Variants in STARD9 observed in about 807,000 individuals in gnomAD.
The protein encoded by STARD9 is stAR-related lipid transfer protein 9.
In STARD9, 346 loss-of-function variants were observed where a neutral mutation model predicts 399.8. That is an observed-to-expected ratio of 0.87 (90% CI 0.79 to 0.95). The LOEUF (loss-of-function observed/expected upper bound fraction) is 0.95, where lower values mean the gene tolerates loss of function less well. Among genes scored for constraint, STARD9 ranks in the 40% least tolerant of loss-of-function variants. The pLI, the probability that STARD9 is intolerant of heterozygous loss-of-function variation, is 0.00. For missense variants in STARD9, 5,832 were observed against 5,667.5 expected, an observed-to-expected ratio of 1.03 and a Z score of -0.93; for synonymous variants, 2,203 against 2,143.5, an observed-to-expected ratio of 1.03 and a Z score of -0.77.
rs2061246665 is a variant in STARD9, at chr15:42,712,103, TAATATATAATATATA to T, written c.13285-4572_13285-4558del. Among the ~76,000 whole-genome samples the T allele has an allele frequency of 2.1e-3, 9 of 4,276 alleles. 2 individuals are homozygous for T. The highest frequency in any genetic ancestry group is 0.01 in the Admixed American group (3 of 292). The allele number at this position is 4,276 out of a possible 152,430, so 2.8% of individuals were successfully genotyped here. A position where few individuals can be genotyped will look rare whatever the true frequency, so the allele number is the denominator to read the frequency against. On this transcript the variant is annotated intron_variant, in intron 26 of 32. Transcript: ENST00000290607. ...ATATTATATATATATATATAATATA[TAATATATAATATATA>T]ATATATATATAAATGTGCCTTTGCC...
intron 3 of STARD9, among the ~76,000 whole-genome samples, chr15:42,625,530 A>G (rs915707362): frequency 2.7e-5 from 4 of 150,600 alleles, no homozygotes; most frequent in East Asian, 3.9e-4. Context: ...GGGTTTCACC[A>G]TGTTGGCCAG....
intron 26 of STARD9, among the ~76,000 whole-genome samples, chr15:42,712,191 A>G (rs1313278915): frequency 1.5e-5 from 2 of 131,912 alleles, no homozygotes; most frequent in East Asian, 2.1e-4. Context: ...TATTTTGTCT[A>G]TTTTAAGATT....
In STARD9 at chr15:42,718,032, C is replaced by G. The variant is rs758378170; in HGVS notation, c.13615C>G (p.Arg4539Gly). The change falls in exon 30 of 33, where the codon CGG (arginine) becomes GGG (glycine). Residue 4539 changes from arginine to glycine, a missense_variant. Transcript: ENST00000290607. ...TTACTACAAGGTGTTTTCTCCCACT[C>G]GGCATGGCTTCCTGGGGGCAGGTGT... ...QLYYKVFSPT[R>G]HGFLGAGVVS... 6.5e-6 allele frequency: 10 copies of G among 1,537,232 alleles called. No homozygotes were observed. The highest frequency in any genetic ancestry group is 1.2e-5 in the South Asian group (1 of 84,060).
intron 7 of STARD9, among the ~76,000 whole-genome samples, chr15:42,647,163 T>C (rs1165903229): frequency 6.6e-6 from 1 of 152,216 alleles, no homozygotes; most frequent in Non-Finnish European, 1.5e-5. Context: ...GCCTAGCACA[T>C]TGGCCAGTTT....
intron 3 of STARD9, among the ~76,000 whole-genome samples, chr15:42,586,710 C>T (rs1409233240): frequency 6.6e-6 from 1 of 152,124 alleles, no homozygotes; most frequent in Non-Finnish European, 1.5e-5. Context: ...GGGAATATAT[C>T]CTTGGGAAAT....
chr15:42,580,361 G>A (rs776650658), intron 1 of STARD9, among the ~76,000 whole-genome samples: 2 of 152,144 alleles, frequency 1.3e-5, no homozygotes, highest in Non-Finnish European at 2.9e-5. Context: ...AACCATAGGT[G>A]GGATACAAAG....
chr15:42,666,993 TTAG>T (rs1440539630), intron 15 of STARD9, among the ~76,000 whole-genome samples: 3 of 151,904 alleles, frequency 2.0e-5, no homozygotes, highest in Non-Finnish European at 4.4e-5. Flanking sequence ...TTCTGCGTTT[TTAG>T]TAGAGACGGG....
Position 42,665,329 on chromosome 15 carries a change from T to G in STARD9, c.1253T>G (p.Leu418Arg). The G allele has an allele frequency of 6.5e-7, 1 of 1,536,454 alleles. No individual in the cohort carries two copies. The highest frequency in any genetic ancestry group is 1.2e-5 in the South Asian group (1 of 84,028). Residue 418 changes from leucine (L) to arginine (R), a missense_variant and splice_region_variant, in exon 14 of 33, where the codon CTG becomes CGG. By Grantham distance (102) the Leu-to-Arg change is moderately radical. This residue lies in a region of STARD9 where 5,828 missense variants were observed against 5,651.1 expected (regional missense o/e 1.03). Transcript: ENST00000290607. ...RLKALLLSFE[L>R]RNFSSLSDEN... The stretch of plus-strand genomic sequence containing the variant: ...AAAGCCCTGCTGCTGAGCTTTGAAC[T>G]GGTATGCAGACAGTCAGAACCTTTC...
chr15:42,717,127 A>C, intron 28 of STARD9, 79 bp downstream of exon 28: 1 of 1,489,438 alleles, frequency 6.7e-7, no homozygotes, highest in Non-Finnish European at 9.0e-7. Context: ...AAAGTAGGAA[A>C]AAAGCTGGGC....
At chr15:42,576,894 C>T (rs1446736935) in intron 1 of STARD9, among the ~76,000 whole-genome samples, 1 of 152,146 alleles carries the variant, frequency 6.6e-6, no homozygotes, top group Non-Finnish European at 1.5e-5. Flanking sequence ...AAAAGAGGTA[C>T]ACTGAAGAAA....
At chr15:42,601,688 G>T (rs539091007) in intron 3 of STARD9, among the ~76,000 whole-genome samples, 1 of 152,086 alleles carries the variant, frequency 6.6e-6, no homozygotes, top group Non-Finnish European at 1.5e-5. Flanking sequence ...CTCCATTGTC[G>T]GTCTGTTAAT....
chr15:42,658,773 C>T (rs954478660), intron 9 of STARD9, among the ~76,000 whole-genome samples: 13 of 151,130 alleles, frequency 8.6e-5, no homozygotes, highest in Non-Finnish European at 7.4e-5. Context: ...CATAAGCCAC[C>T]GTGCCTGGCC....
At chr15:42,708,671 C>T (rs1376127371) in intron 26 of STARD9, among the ~76,000 whole-genome samples, 1 of 150,950 alleles carries the variant, frequency 6.6e-6, no homozygotes, top group African/African-American at 2.4e-5. Context: ...CTGTTTCTTG[C>T]TTTTTTTCTT....
chr15:42,665,137 C>T, intron 13 of STARD9, 116 bp from the exon 14 acceptor site: 2 of 754,420 alleles, frequency 2.7e-6, no homozygotes, highest in South Asian at 1.7e-5. Flanking sequence ...AGAATGACTG[C>T]TGTAGAGACT....
intron 20 of STARD9, among the ~76,000 whole-genome samples, chr15:42,676,494 G>T (rs968414254): frequency 6.6e-6 from 1 of 152,144 alleles, no homozygotes; most frequent in Non-Finnish European, 1.5e-5. Flanking sequence ...GCATAGAGGG[G>T]CAGAAACTAT....
At chr15:42,590,363 CT>C (rs2058370480) in intron 3 of STARD9, among the ~76,000 whole-genome samples, 1 of 152,116 alleles carries the variant, frequency 6.6e-6, no homozygotes, top group African/African-American at 2.4e-5. Context: ...TCTTTCATCC[CT>C]AGGTTTCTTC....
chr15:42,598,861 A>G (rs887413582), intron 3 of STARD9, among the ~76,000 whole-genome samples: 2 of 152,170 alleles, frequency 1.3e-5, no homozygotes, highest in Admixed American at 6.5e-5. Context: ...CTGAAGTGAA[A>G]GGCTACTTTT....
intron 3 of STARD9, among the ~76,000 whole-genome samples, chr15:42,603,756 T>G (rs376146073): frequency 6.6e-6 from 1 of 152,084 alleles, no homozygotes; most frequent in Non-Finnish European, 1.5e-5. Context: ...GAGTCAGTTA[T>G]TGGGTGGGAG....
chr15:42,576,732 A>G (rs2058064718), intron 1 of STARD9, among the ~76,000 whole-genome samples: 1 of 152,234 alleles, frequency 6.6e-6, no homozygotes, highest in Non-Finnish European at 1.5e-5. Context: ...CAAGAAAGGT[A>G]TCGTCTCCCA....
Sources: gnomAD v4.1 joint callset for allele counts (sites outside exome capture counted in the v4.1 genomes callset) on GRCh38, gnomAD v4.1.1 for gene constraint, gnomAD v4.1.1 regional missense constraint, MANE v1.5 for transcripts, NCBI Gene and HGNC (gene_info 2026-07-23, HGNC 2026-07-21) for gene names.